LINC01488: variants seen among roughly 807,000 people sequenced by gnomAD.
LINC01488 encodes CCND1-upstream intergenic DNA repair 1.
At chr11:69,482,263 C>T (rs1857054671) in intron 1 of LINC01488, among the ~76,000 whole-genome samples, 1 of 152,326 alleles carries the variant, frequency 6.6e-6, no homozygotes, top group South Asian at 2.1e-4. Flanking sequence ...GAGACTCATT[C>T]ACTACCATGA....
chr11:69,489,781 C>G (rs1387079778), intron 1 of LINC01488, among the ~76,000 whole-genome samples: 1 of 152,248 alleles, frequency 6.6e-6, no homozygotes, highest in Non-Finnish European at 1.5e-5. Flanking sequence ...GCTGTCCTCA[C>G]AGAGAACCCC....
intron 1 of LINC01488, among the ~76,000 whole-genome samples, chr11:69,484,017 C>T (rs373955874): frequency 8.5e-5 from 13 of 152,216 alleles, no homozygotes; most frequent in Admixed American, 2.6e-4. Flanking sequence ...CGACCTCACA[C>T]GGGCAGCTCC....
intron 1 of LINC01488, chr11:69,490,466 T>G (rs1235235905): frequency 1.3e-5 from 2 of 152,248 alleles, no homozygotes; most frequent in Non-Finnish European, 1.5e-5. Flanking sequence ...AGAAATACAA[T>G]TCACCGATGA....
chr11:69,490,284 G>A (rs1857199134), intron 1 of LINC01488, among the ~76,000 whole-genome samples: 1 of 152,346 alleles, frequency 6.6e-6, no homozygotes, highest in African/African-American at 2.4e-5. Context: ...AGAGCGGTAA[G>A]GCTGGCAGGA....
intron 1 of LINC01488, among the ~76,000 whole-genome samples, chr11:69,489,354 T>C (rs1376872910): frequency 6.6e-6 from 1 of 152,234 alleles, no homozygotes; most frequent in African/African-American, 2.4e-5. Context: ...CAGAGGCTGC[T>C]GCCGTTGGGC....
intron 1 of LINC01488, among the ~76,000 whole-genome samples, chr11:69,485,288 T>TTC (rs1310261384): frequency 1.3e-5 from 2 of 152,216 alleles, no homozygotes; most frequent in Non-Finnish European, 2.9e-5. Context: ...TTCCAAGGTC[T>TTC]TCTCATCCCC....
intron 1 of LINC01488, among the ~76,000 whole-genome samples, chr11:69,484,796 GTCC>G (rs1857088139): frequency 6.6e-6 from 1 of 152,220 alleles, no homozygotes; most frequent in Admixed American, 6.5e-5. Context: ...GCTTTGCATT[GTCC>G]TCCTCCTGCT....
Position 69,484,731 on chromosome 11 carries a change from G to A in LINC01488, n.122+2948G>A, listed in dbSNP as rs1026799459. 1.1e-4 allele frequency among the ~76,000 whole-genome samples: 16 copies of A among 152,256 alleles called. No homozygotes were observed. In the East Asian group the frequency reaches 2.5e-3, roughly 24 times the overall value. ...GCCCTGCTGTTGGGCAGCAATCAGC[G>A]ATGGGTGGCCGTGGGCAGGTTCCCT... On this transcript the variant is annotated intron_variant and non_coding_transcript_variant, in intron 1 of 3. Coordinates refer to ENST00000644563, the Ensembl canonical transcript of LINC01488.
chr11:69,485,055 TCCTG>T (rs1054269686), intron 1 of LINC01488, among the ~76,000 whole-genome samples: 52 of 152,308 alleles, frequency 3.4e-4, no homozygotes, highest in African/African-American at 1.2e-3. Flanking sequence ...CCACACCTTG[TCCTG>T]AGCTCAGCAT....
At chr11:69,485,340 G>A (rs746670227) in intron 1 of LINC01488, among the ~76,000 whole-genome samples, 3 of 152,172 alleles carry the variant, frequency 2.0e-5, no homozygotes, top group Non-Finnish European at 4.4e-5. Flanking sequence ...AATGTGCTGG[G>A]GGCTCAGGAG....
At chr11:69,486,079 G>A (rs181069844) in intron 1 of LINC01488, 1 of 150,992 alleles carries the variant, frequency 6.6e-6, no homozygotes, top group Non-Finnish European at 1.5e-5. Context: ...GACAGAAGGG[G>A]AAACTGAGGC....
At chr11:69,487,471 A>T (rs1297409619) in intron 1 of LINC01488, among the ~76,000 whole-genome samples, 2 of 152,202 alleles carry the variant, frequency 1.3e-5, no homozygotes, top group Admixed American at 1.3e-4. Flanking sequence ...CTCACAAGGC[A>T]GGGCCTGAGT....
chr11:69,481,769 G>T (rs1403967608), exon 1 of LINC01488: 1 of 152,282 alleles, frequency 6.6e-6, no homozygotes, highest in Non-Finnish European at 1.5e-5. Flanking sequence ...GGCTAGACCA[G>T]GCTCCATCCA....
chr11:69,489,838 C>T (rs1857190307), intron 1 of LINC01488, among the ~76,000 whole-genome samples: 1 of 152,210 alleles, frequency 6.6e-6, no homozygotes, highest in Non-Finnish European at 1.5e-5. Flanking sequence ...TGGCCTTCCA[C>T]CTTGCCCTCT....
chr11:69,481,980 T>C (rs965647317), intron 1 of LINC01488, among the ~76,000 whole-genome samples: 23 of 151,744 alleles, frequency 1.5e-4, no homozygotes, highest in African/African-American at 5.6e-4. Context: ...AATGGGTGGA[T>C]GGATGGATGA....
chr11:69,489,192 G>T (rs1857174848), intron 1 of LINC01488, among the ~76,000 whole-genome samples: 2 of 152,004 alleles, frequency 1.3e-5, no homozygotes, highest in African/African-American at 4.8e-5. Context: ...CCCCACCGCA[G>T]ACCACACCGA....
intron 1 of LINC01488, among the ~76,000 whole-genome samples, chr11:69,482,130 A>G (rs948505209): frequency 6.6e-6 from 1 of 152,196 alleles, no homozygotes; most frequent in Non-Finnish European, 1.5e-5. Context: ...ACAGTTCCAC[A>G]TGGCTGGGGA....
chr11:69,489,597 C>T (rs1261663961), intron 1 of LINC01488, among the ~76,000 whole-genome samples: 1 of 152,256 alleles, frequency 6.6e-6, no homozygotes, highest in South Asian at 2.1e-4. Flanking sequence ...GAACGTGCTC[C>T]TGCTGCAGGC....
chr11:69,485,028 C>T (rs577605763), intron 1 of LINC01488, among the ~76,000 whole-genome samples: 2 of 152,210 alleles, frequency 1.3e-5, no homozygotes, highest in Non-Finnish European at 1.5e-5. Context: ...CCCAACCCCC[C>T]GCCACCACCA....
Sources: gnomAD v4.1 joint callset for allele counts (sites outside exome capture counted in the v4.1 genomes callset) on GRCh38, gnomAD v4.1.1 for gene constraint, MANE v1.5 for transcripts, NCBI Gene and HGNC (gene_info 2026-07-23, HGNC 2026-07-21) for gene names.